MICAL2: variants seen among roughly 807,000 people sequenced by gnomAD.
MICAL2 encodes [F-actin]-monooxygenase MICAL2.
Under a neutral mutation model 127.3 loss-of-function variants are expected in MICAL2, and 77 were observed. That is an observed-to-expected ratio of 0.60 (90% CI 0.50 to 0.73). The LOEUF (loss-of-function observed/expected upper bound fraction) is 0.73, where lower values mean the gene tolerates loss of function less well. Ranked by LOEUF, MICAL2 falls within the 30% of genes least tolerant of loss-of-function variation. The pLI, the probability that MICAL2 is intolerant of heterozygous loss-of-function variation, is 0.00. For missense variants in MICAL2, 1,351 were observed against 1,434.4 expected, an observed-to-expected ratio of 0.94 and a Z score of 0.94; for synonymous variants, 570 against 551.1, an observed-to-expected ratio of 1.03 and a Z score of -0.48.
intron 6 of MICAL2, 136 bp from the exon 7 acceptor site, chr11:12,213,119 C>A: frequency 9.8e-7 from 1 of 1,016,596 alleles, no homozygotes. Context: ...TTTCTGCCCG[C>A]TCCTGTCCAC....
At chr11:12,127,350 G>T (rs1851024770) in intron 1 of MICAL2, among the ~76,000 whole-genome samples, 1 of 152,182 alleles carries the variant, frequency 6.6e-6, no homozygotes, top group African/African-American at 2.4e-5. Flanking sequence ...TTACTCTGTG[G>T]CAGGCACTGC....
At chr11:12,173,795 T>C (rs1856544693) in intron 3 of MICAL2, among the ~76,000 whole-genome samples, 1 of 152,250 alleles carries the variant, frequency 6.6e-6, no homozygotes, top group Non-Finnish European at 1.5e-5. Flanking sequence ...ATTGTCTTTG[T>C]CTTTTTGTGT....
intron 1 of MICAL2, among the ~76,000 whole-genome samples, chr11:12,134,984 GCTCCCAGCTGACCC>G (rs908894993): frequency 6.6e-6 from 1 of 152,212 alleles, no homozygotes; most frequent in African/African-American, 2.4e-5. Context: ...GCTGCAGGCA[GCTCCCAGCTGACCC>G]CACACAGCCC....
At chr11:12,251,348 T>C (rs1044836365) in intron 22 of MICAL2, among the ~76,000 whole-genome samples, 1 of 152,110 alleles carries the variant, frequency 6.6e-6, no homozygotes, top group African/African-American at 2.4e-5. Context: ...AAATAGAAGA[T>C]AACCCTTGAT....
rs1162255454 is a variant in MICAL2, at chr11:12,222,741, C to G, written c.1447C>G (p.Gln483Glu). ...NLNSHCVRPH[Q>E]VKHLYITKEL... Reference sequence around the variant, plus strand: ...CAACTCACACTGTGTCAGGCCCCATCAGGCAAGTCCATTGCTGGGGCTCTG... The same window carrying G: ...CAACTCACACTGTGTCAGGCCCCATGAGGCAAGTCCATTGCTGGGGCTCTG... The change falls in exon 11 of 28, where the codon CAG (glutamine) becomes GAG (glutamate). Residue 483 changes from glutamine to glutamate, a missense_variant and splice_region_variant. Gln to Glu is a conservative substitution (Grantham distance 29). Around this residue, in one of 2 missense-constraint regions of MICAL2, gnomAD observed 599 missense variants for 714.9 expected, o/e 0.84. Coordinates refer to ENST00000683283, the MANE Select transcript of MICAL2 (RefSeq NM_001282663.2). The G allele has an allele frequency of 6.2e-7, 1 of 1,614,172 alleles. No homozygotes were observed. The highest frequency in any genetic ancestry group is 8.5e-7 in the Non-Finnish European group (1 of 1,180,032).
Position 12,249,223 on chromosome 11 carries a change from C to T in MICAL2, c.2824C>T (p.His942Tyr), listed in dbSNP as rs748084506. 11 of 1,605,072 alleles carry T rather than the reference C, an allele frequency of 6.9e-6. No homozygotes were observed. The South Asian group carries it at 1.2e-4, about 18-fold the overall frequency. The stretch of plus-strand genomic sequence containing the variant: ...TTCAGGGTTCCATTTTCATCCCAGC[C>T]ATTTGAGAACAGTGCATCCTCAGGT... ...SPSGFHFHPSHLRTVHPQLTV... is the reference protein window; with the variant it reads ...SPSGFHFHPSYLRTVHPQLTV... Residue 942 changes from histidine (H) to tyrosine (Y), a missense_variant, in exon 22 of 28, where the codon CAT becomes TAT. His to Tyr is a moderately conservative substitution (Grantham distance 83). Coordinates refer to ENST00000683283, the MANE Select transcript of MICAL2 (RefSeq NM_001282663.2).
chr11:12,217,609 G>A (rs1856344485), intron 8 of MICAL2, among the ~76,000 whole-genome samples: 2 of 152,122 alleles, frequency 1.3e-5, no homozygotes, highest in African/African-American at 4.8e-5. Flanking sequence ...CTTTGCAGAG[G>A]AGAGGTTAGG....
chr11:12,356,335 A>C (rs1939128039), intron 34 of MICAL2, among the ~76,000 whole-genome samples: 2 of 152,224 alleles, frequency 1.3e-5, no homozygotes, highest in African/African-American at 4.8e-5. Context: ...GCAATAACTT[A>C]AACAATCCGT....
At chr11:12,338,375 T>A (rs1353268769) in intron 32 of MICAL2, among the ~76,000 whole-genome samples, 1 of 152,236 alleles carries the variant, frequency 6.6e-6, no homozygotes, top group East Asian at 1.9e-4. Flanking sequence ...GTTTCCTGAA[T>A]ACAGCACACT....
At position 12,256,913 on chromosome 11, in the gene MICAL2, C is replaced by T. The variant is rs1190005584; in HGVS notation, c.3084C>T (p.Arg1028=). Residue 1028 remains arginine (R), a synonymous_variant, in exon 24 of 28, where the codon CGC becomes CGT. Coordinates refer to ENST00000683283, the MANE Select transcript of MICAL2 (RefSeq NM_001282663.2). ...ACTTCTTCCACCGGGAGTGTTTCCG[C>T]TGCAGCATCTGTGCCACCACCTTGC... ...EGHFFHRECF[R]CSICATTLRL... 2 of 1,614,192 alleles carry T rather than the reference C, an allele frequency of 1.2e-6. No homozygotes were observed. Among genetic ancestry groups the T allele is most frequent in the East Asian group, 4.5e-5 (2 of 44,886 alleles).
At chr11:12,305,780 A>C (rs1864102992) in intron 29 of MICAL2, among the ~76,000 whole-genome samples, 1 of 152,220 alleles carries the variant, frequency 6.6e-6, no homozygotes, top group African/African-American at 2.4e-5. Context: ...CCCTGAATTT[A>C]TTGAGGTCTT....
At chr11:12,222,501 A>T in intron 10 of MICAL2, 116 bp from the exon 11 acceptor site, 1 of 1,362,138 alleles carries the variant, frequency 7.3e-7, no homozygotes, top group Non-Finnish European at 1.0e-6. Flanking sequence ...GGGAAGGGTT[A>T]GACAAACATG....
chr11:12,211,691 C>T (rs1472537639), intron 6 of MICAL2, among the ~76,000 whole-genome samples: 1 of 152,104 alleles, frequency 6.6e-6, no homozygotes, highest in African/African-American at 2.4e-5. Context: ...CCCTATTAAC[C>T]TCAATAGGGA....
At chr11:12,136,150 C>T (rs958929110) in intron 1 of MICAL2, among the ~76,000 whole-genome samples, 1 of 151,998 alleles carries the variant, frequency 6.6e-6, no homozygotes, top group Non-Finnish European at 1.5e-5. Flanking sequence ...CAAATCAGGC[C>T]CATGAGGGAC....
At chr11:12,227,949 G>A (rs1857689928) in intron 15 of MICAL2, among the ~76,000 whole-genome samples, 1 of 152,206 alleles carries the variant, frequency 6.6e-6, no homozygotes, top group African/African-American at 2.4e-5. Context: ...CATGCCTAAG[G>A]AGCAGTGACA....
chr11:12,213,160 T>G (rs898314863), intron 6 of MICAL2, 95 bp from the exon 7 acceptor site: 3 of 1,404,468 alleles, frequency 2.1e-6, no homozygotes, highest in Admixed American at 4.4e-5. Context: ...TTCACTGGCC[T>G]GGGAGGCATC....
intron 32 of MICAL2, among the ~76,000 whole-genome samples, chr11:12,329,711 A>T (rs1864392830): frequency 6.6e-6 from 1 of 152,178 alleles, no homozygotes; most frequent in Non-Finnish European, 1.5e-5. Flanking sequence ...GGCATTTAGT[A>T]AACACTACTC....
At chr11:12,282,455 G>A (rs1863783121) in intron 2 of MICAL2, among the ~76,000 whole-genome samples, 1 of 152,070 alleles carries the variant, frequency 6.6e-6, no homozygotes, top group Non-Finnish European at 1.5e-5. Flanking sequence ...TTGCCAGACG[G>A]TTTTAGGCAA....
At chr11:12,344,851 G>C (rs1162845925) in intron 32 of MICAL2, among the ~76,000 whole-genome samples, 2 of 151,142 alleles carry the variant, frequency 1.3e-5, no homozygotes, top group African/African-American at 4.8e-5. Context: ...GCTCACGCCT[G>C]TAATCCCAGC....
Sources: gnomAD v4.1 joint callset for allele counts (sites outside exome capture counted in the v4.1 genomes callset) on GRCh38, gnomAD v4.1.1 for gene constraint, gnomAD v4.1.1 regional missense constraint, MANE v1.5 for transcripts, NCBI Gene and HGNC (gene_info 2026-07-23, HGNC 2026-07-21) for gene names.